Variants in RPS6KC1 observed in about 807,000 individuals in gnomAD.
RPS6KC1 encodes ribosomal protein S6 kinase C1, also known as inactive ribosomal protein S6 kinase delta-1.
Under a neutral mutation model 103.8 loss-of-function variants are expected in RPS6KC1, and 54 were observed. The observed-to-expected ratio is 0.52, with a 90% CI of 0.42 to 0.65. The LOEUF (loss-of-function observed/expected upper bound fraction) is 0.65. Among genes scored for constraint, RPS6KC1 ranks in the 30% least tolerant of loss-of-function variants. The pLI is 0.00. For synonymous variants in RPS6KC1, 439 were observed against 438.7 expected (o/e 1.00, Z -0.01); for missense variants, 1,151 against 1,253.8 (o/e 0.92, Z 1.24).
the RPS6KC1 span, among the ~76,000 whole-genome samples, chr1:213,804,949 G>A: frequency 9.9e-5 from 15 of 152,242 alleles, no homozygotes; most frequent in South Asian, 2.1e-4. Context: ...AGCAAATATC[G>A]CAACAAAGCA....
At chr1:213,755,606 A>G in the RPS6KC1 span, among the ~76,000 whole-genome samples, 130 of 152,310 alleles carry the variant, frequency 8.5e-4, no homozygotes, top group African/African-American at 3.1e-3. Flanking sequence ...GAGTGGGAAA[A>G]GGGGCCCAAA....
chr1:213,518,705 G>A, the RPS6KC1 span, among the ~76,000 whole-genome samples: 1 of 152,174 alleles, frequency 6.6e-6, no homozygotes, highest in Non-Finnish European at 1.5e-5. Flanking sequence ...GTTTTTGTGA[G>A]ATCACTGGAC....
the RPS6KC1 span, among the ~76,000 whole-genome samples, chr1:213,288,419 C>T: frequency 6.6e-6 from 1 of 152,222 alleles, no homozygotes; most frequent in South Asian, 2.1e-4. Flanking sequence ...GATGAACCAA[C>T]AATGGTTTCT....
the RPS6KC1 span, among the ~76,000 whole-genome samples, chr1:213,352,880 T>C: frequency 6.6e-6 from 1 of 152,116 alleles, no homozygotes; most frequent in Admixed American, 6.5e-5. Flanking sequence ...TGCAAGAAGG[T>C]GTGGAAGATA....
the RPS6KC1 span, among the ~76,000 whole-genome samples, chr1:213,410,258 G>A: frequency 2.0e-5 from 3 of 152,252 alleles, no homozygotes; most frequent in South Asian, 2.1e-4. Context: ...GGAAAGTGAC[G>A]GATGGAATGT....
At chr1:213,458,368 A>T in the RPS6KC1 span, among the ~76,000 whole-genome samples, 103,029 of 148,242 alleles carry the variant, frequency 0.7, 35,314 homozygotes, top group East Asian at 0.88. Context: ...CCATAGTGTA[A>T]ACGTAACACT....
the RPS6KC1 span, among the ~76,000 whole-genome samples, chr1:213,514,868 T>C: frequency 6.6e-6 from 1 of 152,200 alleles, no homozygotes; most frequent in Non-Finnish European, 1.5e-5. Flanking sequence ...TGTTCCTATT[T>C]CTCCACATCC....
At chr1:213,209,298 C>A (rs1260494119) in intron 8 of RPS6KC1, among the ~76,000 whole-genome samples, 1 of 152,104 alleles carries the variant, frequency 6.6e-6, no homozygotes, top group Non-Finnish European at 1.5e-5. Context: ...GATAGTGTTA[C>A]CAGAAAGGGA....
the RPS6KC1 span, among the ~76,000 whole-genome samples, chr1:213,459,199 C>T: frequency 0.43 from 65,457 of 151,976 alleles, 14,901 homozygotes; most frequent in East Asian, 0.57. Flanking sequence ...CCTGTTTGTA[C>T]GTCTGGTAGA....
At chr1:213,699,262 A>G in the RPS6KC1 span, among the ~76,000 whole-genome samples, 7,663 of 151,948 alleles carry the variant, frequency 0.05, 653 homozygotes, top group African/African-American at 0.17. Flanking sequence ...TACCTCCTTA[A>G]GTTCAATTGT....
At position 213,063,823 on chromosome 1, in the gene RPS6KC1, G is replaced by A. The variant is rs762998963; in HGVS notation, c.106-7183G>A. Among the ~76,000 whole-genome samples the A allele has an allele frequency of 4.6e-5, 7 of 152,038 alleles. No individual in the cohort carries two copies. In the South Asian group the frequency reaches 1.2e-3, roughly 27 times the overall value. On this transcript the variant is annotated intron_variant, in intron 1 of 14. Coordinates refer to ENST00000366960, the MANE Select transcript of RPS6KC1 (RefSeq NM_012424.6). The stretch of plus-strand genomic sequence containing the variant: ...TTGAATTGATTATTAAGCCCTTCCT[G>A]TGAGATCACTGATTTTAAAGAATAC...
chr1:213,669,168 T>A, the RPS6KC1 span, among the ~76,000 whole-genome samples: 1 of 152,232 alleles, frequency 6.6e-6, no homozygotes. Flanking sequence ...GGCCTAGCTT[T>A]TGGTTTATTG....
At chr1:213,138,237 A>T (rs1392504705) in intron 6 of RPS6KC1, among the ~76,000 whole-genome samples, 1 of 151,850 alleles carries the variant, frequency 6.6e-6, no homozygotes, top group Non-Finnish European at 1.5e-5. Flanking sequence ...ATTTATGTAC[A>T]GGCTTACCTT....
the RPS6KC1 span, among the ~76,000 whole-genome samples, chr1:213,531,969 G>C: frequency 6.6e-6 from 1 of 152,206 alleles, no homozygotes; most frequent in South Asian, 2.1e-4. Flanking sequence ...GGTGCTTGGA[G>C]AGTGTCATCT....
chr1:213,427,435 C>A, the RPS6KC1 span, among the ~76,000 whole-genome samples: 3 of 152,164 alleles, frequency 2.0e-5, no homozygotes, highest in Non-Finnish European at 4.4e-5. Flanking sequence ...GCTTTGGCTA[C>A]TAGGAACCTC....
At chr1:213,394,905 C>T in the RPS6KC1 span, among the ~76,000 whole-genome samples, 1 of 152,356 alleles carries the variant, frequency 6.6e-6, no homozygotes, top group South Asian at 2.1e-4. Flanking sequence ...GTGCAGCTGC[C>T]CCTCATGCTG....
rs553235020 is a variant in RPS6KC1 at position 213,161,621 on chromosome 1, T to G, written c.836-6237T>G. ...CAGGTGTGACCCACTGCACCTGCCC[T>G]CATTCTTTGAATCATTTAAATATGG... On this transcript the variant is annotated intron_variant, in intron 6 of 14. Transcript: ENST00000366960. Among the ~76,000 whole-genome samples the G allele has an allele frequency of 5.3e-5, 8 of 152,330 alleles. 1 individual carries two copies. In the South Asian group the frequency reaches 1.2e-3, roughly 24 times the overall value.
chr1:213,594,147 G>A, the RPS6KC1 span, among the ~76,000 whole-genome samples: 1 of 152,118 alleles, frequency 6.6e-6, no homozygotes, highest in Non-Finnish European at 1.5e-5. Flanking sequence ...CTACAGGTGT[G>A]AGCCACCATG....
At chr1:213,354,328 C>A in the RPS6KC1 span, among the ~76,000 whole-genome samples, 1 of 152,184 alleles carries the variant, frequency 6.6e-6, no homozygotes, top group Admixed American at 6.5e-5. Context: ...TGGTAATGAT[C>A]CCCTGCACTT....
Sources: allele counts gnomAD v4.1 joint callset (sites outside exome capture counted in the v4.1 genomes callset), GRCh38; gene constraint gnomAD v4.1.1; transcripts MANE v1.5; gene names NCBI Gene and HGNC (gene_info 2026-07-23, HGNC 2026-07-21).